Variants in CES2 observed in about 807,000 individuals in gnomAD.
The protein encoded by CES2 is cocaine esterase.
Under a neutral mutation model 52.1 loss-of-function variants are expected in CES2, and 42 were observed. The observed-to-expected ratio is 0.81, with a 90% CI of 0.63 to 1.04. CES2 has a LOEUF of 1.04. Among genes scored for constraint, CES2 ranks in the 50% least tolerant of loss-of-function variants. The pLI, the probability that CES2 is intolerant of heterozygous loss-of-function variation, is 0.00. For missense variants in CES2, 656 were observed against 724.3 expected, an observed-to-expected ratio of 0.91 and a Z score of 1.08; for synonymous variants, 277 against 289.6, an observed-to-expected ratio of 0.96 and a Z score of 0.44.
Position 66,943,230 on chromosome 16 carries a change from G to T in CES2, c.1421-69G>T. On this transcript the variant is annotated intron_variant, in intron 10 of 11. Transcript: ENST00000317091. This position sits in a 1 kb window ranked among gnomAD's most constrained non-coding sequence, Gnocchi z 4.2. ...GGGGACCGAGGTCTCGGGGGCCAAG[G>T]ACGAGCTCCACCTGGGATGCTGAGG... The T allele has an allele frequency of 6.5e-7, 1 of 1,545,972 alleles. No homozygotes were observed. Among genetic ancestry groups the T allele is most frequent in the South Asian group, 1.1e-5 (1 of 87,960 alleles).
chr16:66,935,404 C>T (rs1963174855), upstream of CES2: 2 of 1,541,000 alleles, frequency 1.3e-6, no homozygotes, highest in African/African-American at 1.4e-5. Context: ...AGGAAAGTGG[C>T]CGTGCCCGGG....
In CES2 at chr16:66,943,547, G is replaced by T; in HGVS notation, c.1493+176G>T. 1 of 657,472 alleles carries T rather than the reference G, an allele frequency of 1.5e-6. No homozygotes were observed. Among genetic ancestry groups the T allele is most frequent in the Non-Finnish European group, 2.6e-6 (1 of 381,718 alleles). 40.7% of individuals were successfully genotyped at this position (657,472 alleles called of 1,614,324 possible). A position where few individuals can be genotyped will look rare whatever the true frequency, so the allele number is the denominator to read the frequency against. ...TGGGGGTGCGTGGGGCAGTGGACAC[G>T]CTCTATCTCTCCAGTCTACCTGGAG... On this transcript the variant is annotated intron_variant, in intron 11 of 11. Coordinates refer to ENST00000317091, the MANE Select transcript of CES2 (RefSeq NM_001365405.1). The surrounding 1 kb of genome is among the most constrained non-coding windows in gnomAD (Gnocchi z 4.2).
Position 66,943,805 on chromosome 16 carries a change from C to T in CES2, c.1494-34C>T. Reference sequence around the variant, plus strand: ...TGGGCTTCGGGGGCCCAGAGTGACCCTCATACTGCCCTGCTGGGATGGCAT... The same window carrying T: ...TGGGCTTCGGGGGCCCAGAGTGACCTTCATACTGCCCTGCTGGGATGGCAT... On this transcript the variant is annotated intron_variant, in intron 11 of 11. Transcript: ENST00000317091. The surrounding 1 kb of genome is among the most constrained non-coding windows in gnomAD (Gnocchi z 4.2). 1 of 1,545,800 alleles carries T rather than the reference C, an allele frequency of 6.5e-7. No individual in the cohort carries two copies. The highest frequency in any genetic ancestry group is 1.2e-5 in the South Asian group (1 of 82,654).
chr16:66,937,683 C>T (rs1963245958), intron 1 of CES2, among the ~76,000 whole-genome samples: 1 of 152,190 alleles, frequency 6.6e-6, no homozygotes, highest in African/African-American at 2.4e-5. Flanking sequence ...CATGACATCC[C>T]TGAGGACAAG....
chr16:66,941,743 T>C, intron 7 of CES2, 25 bp from the exon 8 acceptor site: 1 of 1,614,054 alleles, frequency 6.2e-7, no homozygotes, highest in South Asian at 1.1e-5. Context: ...CATCCCCAGC[T>C]ACAGACTCTC....
intron 1 of CES2, 105 bp from the exon 2 acceptor site, chr16:66,937,932 G>A (rs920111853): frequency 3.4e-6 from 3 of 884,570 alleles, no homozygotes; most frequent in African/African-American, 3.3e-5. Context: ...ACAGATCAGA[G>A]TCCCTTGAGC....
Position 66,935,721 on chromosome 16 carries a change from C to T in CES2, c.76+10C>T, listed in dbSNP as rs1415388959. ...CTTGTCCGGGGCCAGGGTGAGGCTCCCTCGGAGGGGCGACAGGGACCGGGC... is the reference window on the plus strand; with the variant it reads ...CTTGTCCGGGGCCAGGGTGAGGCTCTCTCGGAGGGGCGACAGGGACCGGGC... On this transcript the variant is annotated intron_variant, in intron 1 of 11. Coordinates refer to ENST00000317091, the MANE Select transcript of CES2 (RefSeq NM_001365405.1). 1.3e-6 allele frequency: 2 copies of T among 1,599,508 alleles called. No homozygotes were observed. Among genetic ancestry groups the T allele is most frequent in the Non-Finnish European group, 8.5e-7 (1 of 1,179,816 alleles).
chr16:66,942,657 C>A lies in CES2; in HGVS notation c.1292C>A (p.Ala431Asp). ...LQVAHFQCSR[A>D]PVYFYEFQHQ... ...GCTGTCCACCCCACAGGTTCCCGGGCCCCTGTGTACTTCTACGAGTTCCAG... is the reference window on the plus strand; with the variant it reads ...GCTGTCCACCCCACAGGTTCCCGGGACCCTGTGTACTTCTACGAGTTCCAG... The change falls in exon 10 of 12, where the codon GCC becomes GAC. Residue 431 changes from alanine to aspartate, a missense_variant. By Grantham distance (126) the Ala-to-Asp change is moderately radical (BLOSUM62 -2). Coordinates refer to ENST00000317091, the MANE Select transcript of CES2 (RefSeq NM_001365405.1). 2 of 1,614,166 alleles carry A rather than the reference C, an allele frequency of 1.2e-6. No individual in the cohort carries two copies. The highest frequency in any genetic ancestry group is 1.7e-6 in the Non-Finnish European group (2 of 1,180,006).
At chr16:66,939,416 G>T in intron 3 of CES2, 58 bp downstream of exon 3, 1 of 1,573,066 alleles carries the variant, frequency 6.4e-7, no homozygotes. Context: ...GCAAGAAGCT[G>T]AAAAGGACAA....
chr16:66,935,282 C>G (rs1253374096), upstream of CES2: 31 of 740,102 alleles, frequency 4.2e-5, no homozygotes, highest in Non-Finnish European at 1.1e-5. Flanking sequence ...TCCCCCAGCG[C>G]GCTCATCGGG....
intron 2 of CES2, among the ~76,000 whole-genome samples, chr16:66,938,581 T>C (rs2145501796): frequency 6.6e-6 from 1 of 152,334 alleles, no homozygotes; most frequent in East Asian, 1.9e-4. Flanking sequence ...GGGTTGGCTC[T>C]ATGAACCTTG....
chr16:66,942,046 C>T, intron 8 of CES2, 59 bp from the exon 9 acceptor site: 5 of 1,565,328 alleles, frequency 3.2e-6, no homozygotes, highest in Non-Finnish European at 4.3e-6. Flanking sequence ...CCCGAGACCA[C>T]CTCCTCCCTG....
At chr16:66,938,823 C>T (rs1963279653) in intron 2 of CES2, among the ~76,000 whole-genome samples, 1 of 152,194 alleles carries the variant, frequency 6.6e-6, no homozygotes, top group Non-Finnish European at 1.5e-5. Context: ...CTGCCCTTCT[C>T]ATGAGAAATT....
chr16:66,935,957 G>C, intron 1 of CES2: 1 of 1,411,960 alleles, frequency 7.1e-7, no homozygotes, highest in Non-Finnish European at 9.2e-7. Flanking sequence ...CCCCAGGAGC[G>C]CCGGGACATG....
At position 66,938,191 on chromosome 16, in the gene CES2, GC is replaced by G. The variant is rs779797669; in HGVS notation, c.236del (p.Pro79LeufsTer7). ...GTCCGCTGCGATTTGCACCCCCTGAGCCCCCTGAATCTTGGAGTGGTGTGAG... is the reference window on the plus strand; with the variant it reads ...GTCCGCTGCGATTTGCACCCCCTGAGCCCCTGAATCTTGGAGTGGTGTGAG... Reference protein sequence around the residue: ...LGPLRFAPPEPPESWSGVRDG... With the variant: ...LGPLRFAPPEXPESWSGVRDG... On this transcript the variant is annotated frameshift_variant, in exon 2 of 12. Coordinates refer to ENST00000317091, the MANE Select transcript of CES2 (RefSeq NM_001365405.1). LOFTEE classifies it high-confidence loss of function. The G allele has an allele frequency of 1.2e-6, 2 of 1,614,004 alleles. No homozygotes were observed. The highest frequency in any genetic ancestry group is 1.3e-5 in the African/African-American group (1 of 74,908).
rs746800741 is a variant in CES2 at position 66,940,724 on chromosome 16, G to A, written c.816+29G>A. ...AGTGCCCTCAGCTGAAGAGGCCTAG[G>A]CCTGCTCCCTCCCCTCATATCCCTC... On this transcript the variant is annotated intron_variant, in intron 5 of 11. Coordinates refer to ENST00000317091, the MANE Select transcript of CES2 (RefSeq NM_001365405.1). 1.9e-6 allele frequency: 3 copies of A among 1,605,076 alleles called. 1 individual carries two copies. Among genetic ancestry groups the A allele is most frequent in the Non-Finnish European group, 8.5e-7 (1 of 1,174,420 alleles).
upstream of CES2, chr16:66,934,521 C>T (rs1044625071): frequency 1.1e-5 from 13 of 1,195,252 alleles, no homozygotes; most frequent in Non-Finnish European, 1.4e-5. The surrounding 1 kb of genome is among the most constrained non-coding windows in gnomAD (Gnocchi z 4.1). Flanking sequence ...AAGCGGTGAC[C>T]GCGGCCCTGG....
At position 66,943,919 on chromosome 16, in the gene CES2, C is replaced by A. The variant is rs753837525; in HGVS notation, c.1574C>A (p.Ala525Glu). The A allele has an allele frequency of 1.2e-6, 2 of 1,609,850 alleles. No individual in the cohort carries two copies. Among genetic ancestry groups the A allele is most frequent in the African/African-American group, 1.3e-5 (1 of 74,854 alleles). The change falls in exon 12 of 12, where the codon GCG becomes GAG. Residue 525 changes from alanine (A) to glutamate (E), a missense_variant. Transcript: ENST00000317091. This position sits in a 1 kb window ranked among gnomAD's most constrained non-coding sequence, Gnocchi z 4.2. ...TACCTGCAGCTGAACCTACAGCCTGCGGTGGGCCGGGCTCTGAAGGCCCAC... is the reference window on the plus strand; with the variant it reads ...TACCTGCAGCTGAACCTACAGCCTGAGGTGGGCCGGGCTCTGAAGGCCCAC... ...EQYLQLNLQPAVGRALKAHRL... is the reference protein window; with the variant it reads ...EQYLQLNLQPEVGRALKAHRL...
Position 66,935,606 on chromosome 16 carries a change from C to T in CES2, c.-30C>T, listed in dbSNP as rs1356759142. ...TCTGGGTGAACAGCAGCGTGTCCGCCGGCAGCGAACCGAGACCAGCGAGCC... is the reference window on the plus strand; with the variant it reads ...TCTGGGTGAACAGCAGCGTGTCCGCTGGCAGCGAACCGAGACCAGCGAGCC... On this transcript the variant is annotated 5_prime_UTR_variant, in exon 1 of 12. Coordinates refer to ENST00000317091, the MANE Select transcript of CES2 (RefSeq NM_001365405.1). 6 of 1,609,950 alleles carry T rather than the reference C, an allele frequency of 3.7e-6. No individual in the cohort carries two copies. Among genetic ancestry groups the T allele is most frequent in the Non-Finnish European group, 5.1e-6 (6 of 1,179,974 alleles).
Sources: allele counts gnomAD v4.1 joint callset (sites outside exome capture counted in the v4.1 genomes callset), GRCh38; gene constraint gnomAD v4.1.1; non-coding constraint Gnocchi (gnomAD v3.1); transcripts MANE v1.5; gene names NCBI Gene and HGNC (gene_info 2026-07-23, HGNC 2026-07-21).